PFKFB1: variants seen among roughly 807,000 people sequenced by gnomAD.
PFKFB1 encodes 6-phosphofructo-2-kinase/fructose-2,6-biphosphatase 1.
A neutral mutation model predicts 46.4 loss-of-function variants in PFKFB1; 34 were observed. The ratio of observed to expected loss-of-function variants is 0.73; its 90% confidence interval spans 0.56 to 0.98. The LOEUF (loss-of-function observed/expected upper bound fraction) is 0.98. Ranked by LOEUF, PFKFB1 falls within the 50% of genes least tolerant of loss-of-function variation. The pLI is 0.00. For synonymous variants in PFKFB1, 119 were observed against 133.8 expected, an observed-to-expected ratio of 0.89 and a Z score of 0.76; for missense variants, 393 against 376.3, an observed-to-expected ratio of 1.04 and a Z score of -0.37.
At chrX:54,941,325 G>A (rs953593582) in intron 10 of PFKFB1, among the ~76,000 whole-genome samples, 1 of 111,801 alleles carries the variant, frequency 8.9e-6, no homozygotes, top group Non-Finnish European at 1.9e-5. Context: ...CAGGACATAG[G>A]CATGGGCAAG....
In PFKFB1 at chrX:54,945,450, G is replaced by A. The variant is rs774242075; in HGVS notation, c.1087C>T (p.Pro363Ser). ...CCCGCAAACCTTACCTCTCCCTTGG[G>A]ATAGCGGTAGCGATATTTATCTTGG... Reference protein sequence around the residue: ...RDQDKYRYRYPKGESYEDLVQ... With the variant: ...RDQDKYRYRYSKGESYEDLVQ... The change falls in exon 10 of 14, where the codon CCC becomes TCC. Residue 363 changes from proline (P) to serine (S), a missense_variant. Coordinates refer to ENST00000375006, the MANE Select transcript of PFKFB1 (RefSeq NM_002625.4). 2 of 1,184,912 alleles carry A rather than the reference G, an allele frequency of 1.7e-6. No homozygotes were observed. Among genetic ancestry groups the A allele is most frequent in the South Asian group, 1.8e-5 (1 of 55,599 alleles).
At chrX:54,995,964 G>A (rs906452074), upstream of PFKFB1, among the ~76,000 whole-genome samples, 1 of 112,400 alleles carries the variant, frequency 8.9e-6, no homozygotes, top group African/African-American at 3.2e-5. Context: ...AGACTTGCAA[G>A]ATCATTTCAT....
upstream of PFKFB1, among the ~76,000 whole-genome samples, chrX:54,995,598 CA>C (rs1935345620): frequency 1.8e-5 from 2 of 112,232 alleles, no homozygotes; most frequent in African/African-American, 6.5e-5. Flanking sequence ...GGCTATGAGG[CA>C]ATGAGCAGAA....
intron 1 of PFKFB1, among the ~76,000 whole-genome samples, chrX:54,982,765 A>G (rs1935026723): frequency 1.8e-5 from 2 of 111,396 alleles, no homozygotes; most frequent in Non-Finnish European, 3.8e-5. Context: ...GATTTAGTAC[A>G]GGTATGCAAG....
Position 54,992,122 on chromosome X carries a change from A to C in PFKFB1, c.97+1789T>G, listed in dbSNP as rs191649572. On this transcript the variant is annotated intron_variant, in intron 1 of 13. Transcript: ENST00000375006. ...ATATTAATGAGTGACTGTCTTGTAC[A>C]CACAGAGCCCCATTCTTGGCTATGG... Among the ~76,000 whole-genome samples, 196 of 111,272 alleles carry C rather than the reference A, an allele frequency of 1.8e-3. 1 individual carries two copies. The highest frequency in any genetic ancestry group is 4.6e-3 in the Middle Eastern group (1 of 217).
chrX:54,972,722 C>T (rs1934710871), intron 1 of PFKFB1, among the ~76,000 whole-genome samples: 1 of 111,581 alleles, frequency 9.0e-6, no homozygotes, highest in Non-Finnish European at 1.9e-5. Context: ...TTTTGATGTG[C>T]TGCTGGATTT....
intron 1 of PFKFB1, among the ~76,000 whole-genome samples, chrX:54,983,428 G>T (rs760684995): frequency 2.1e-4 from 23 of 111,528 alleles, no homozygotes; most frequent in Non-Finnish European, 4.0e-4. Flanking sequence ...GCAGTATTTG[G>T]TTTTCTGTTC....
chrX:54,947,245 T>C (rs1375191328), intron 9 of PFKFB1, among the ~76,000 whole-genome samples: 1 of 111,808 alleles, frequency 8.9e-6, no homozygotes, highest in Non-Finnish European at 1.9e-5. Flanking sequence ...TGCCCCAAAG[T>C]CTATGCACCC....
intron 10 of PFKFB1, among the ~76,000 whole-genome samples, chrX:54,943,579 G>A (rs1386162093): frequency 9.1e-6 from 1 of 110,079 alleles, no homozygotes; most frequent in South Asian, 3.8e-4. Context: ...GTGATACCCC[G>A]TCTCTACTAA....
intron 7 of PFKFB1, among the ~76,000 whole-genome samples, chrX:54,955,265 A>G (rs907066025): frequency 9.0e-6 from 1 of 111,717 alleles, no homozygotes; most frequent in Non-Finnish European, 1.9e-5. Context: ...GTGGGGCAGT[A>G]ACAGTGCTCA....
intron 1 of PFKFB1, among the ~76,000 whole-genome samples, chrX:54,993,062 G>A (rs1206903921): frequency 9.0e-6 from 1 of 111,545 alleles, no homozygotes; most frequent in Non-Finnish European, 1.9e-5. Context: ...TGGCCTTTGG[G>A]GTGTCTGAGT....
chrX:54,988,813 T>A (rs999519483), intron 1 of PFKFB1, among the ~76,000 whole-genome samples: 52 of 111,960 alleles, frequency 4.6e-4, no homozygotes, highest in Admixed American at 3.5e-3. Context: ...TGGATTCCCA[T>A]CTCACACCAC....
chrX:54,957,523 A>G (rs1388712119), intron 6 of PFKFB1, among the ~76,000 whole-genome samples: 1 of 110,778 alleles, frequency 9.0e-6, no homozygotes, highest in Non-Finnish European at 1.9e-5. Context: ...TATTGAATCA[A>G]TAGATAGATA....
chrX:54,960,077 G>C (rs1328360068), intron 3 of PFKFB1, among the ~76,000 whole-genome samples, 184 bp from the exon 4 acceptor site: 1 of 112,756 alleles, frequency 8.9e-6, no homozygotes, highest in Non-Finnish European at 1.9e-5. Flanking sequence ...TCAAACAGTT[G>C]AAAGTGGCTA....
Position 54,933,509 on chromosome X carries a change from G to T in PFKFB1, c.1357-47C>A, listed in dbSNP as rs1933288573. On this transcript the variant is annotated intron_variant, in intron 13 of 13. Transcript: ENST00000375006. ...AATAGGAAGGAGACAGCAGTGCAGG[G>T]CCCCAACCTCTCCCCTGCCTCTTGT... The T allele has an allele frequency of 4.0e-6, 4 of 1,007,068 alleles. No homozygotes were observed. The East Asian group carries it at 9.1e-5, about 23-fold the overall frequency. 83.0% of individuals were successfully genotyped at this position (1,007,068 alleles called of 1,213,427 possible). A position where few individuals can be genotyped will look rare whatever the true frequency, so the allele number is the denominator to read the frequency against.
intron 1 of PFKFB1, among the ~76,000 whole-genome samples, chrX:54,986,656 A>C (rs1935120950): frequency 8.9e-6 from 1 of 112,003 alleles, no homozygotes; most frequent in Non-Finnish European, 1.9e-5. Context: ...AACAACAGGG[A>C]AATAGAGGAC....
At chrX:54,974,228 C>G (rs1934772251) in intron 1 of PFKFB1, among the ~76,000 whole-genome samples, 1 of 112,173 alleles carries the variant, frequency 8.9e-6, no homozygotes, top group South Asian at 3.7e-4. Context: ...GTTACCAAAA[C>G]AGCATGGTAC....
chrX:54,954,248 T>G (rs1934068067), intron 7 of PFKFB1, among the ~76,000 whole-genome samples: 1 of 112,281 alleles, frequency 8.9e-6, no homozygotes, highest in Non-Finnish European at 1.9e-5. Flanking sequence ...GTGCGGTGGC[T>G]CATGCCTGTA....
intron 1 of PFKFB1, among the ~76,000 whole-genome samples, chrX:54,965,712 G>A (rs1198629519): frequency 3.6e-5 from 4 of 110,840 alleles, no homozygotes; most frequent in African/African-American, 9.8e-5. Context: ...AGCAATAATA[G>A]TACCAATGTA....
Sources: allele counts gnomAD v4.1 joint callset (sites outside exome capture counted in the v4.1 genomes callset), GRCh38; gene constraint gnomAD v4.1.1; transcripts MANE v1.5; gene names NCBI Gene and HGNC (gene_info 2026-07-23, HGNC 2026-07-21).